ZFHX3: variants seen among roughly 807,000 people sequenced by gnomAD.
The protein encoded by ZFHX3 is zinc finger homeobox protein 3.
In ZFHX3, 42 loss-of-function variants were observed where a neutral mutation model predicts 279.1. The ratio of observed to expected loss-of-function variants is 0.15; its 90% CI spans 0.12 to 0.19. The LOEUF (loss-of-function observed/expected upper bound fraction) is 0.19. ZFHX3 is among the 10% of genes least tolerant of loss of function. The pLI is 1.00. For synonymous variants in ZFHX3, 2,293 were observed against 1,957.8 expected (o/e 1.17, Z -4.52); for missense variants, 4,981 against 4,754.0 (o/e 1.05, Z -1.40).
At chr16:73,863,752 T>C (rs1330157363) in intron 1 of ZFHX3, among the ~76,000 whole-genome samples, 1 of 152,220 alleles carries the variant, frequency 6.6e-6, no homozygotes, top group African/African-American at 2.4e-5. Context: ...TTGCAAAGCA[T>C]CTAGCGAAGT....
chr16:72,957,794 G>GGCTGCCGCC lies in ZFHX3; in HGVS notation c.2343_2351dup (p.Ala782_Ala784dup). On this transcript the variant is annotated inframe_insertion, in exon 2 of 10. Transcript: ENST00000268489. ...GGGCCCCGCAGGAGCTACTGATATT[G>GGCTGCCGCC]GCTGCCGCCGCCGCCGCAGCCACCG... The GGCTGCCGCC allele has an allele frequency of 6.2e-7, 1 of 1,610,812 alleles. No homozygotes were observed. The highest frequency in any genetic ancestry group is 8.5e-7 in the Non-Finnish European group (1 of 1,178,722).
chr16:73,170,478 C>T (rs1173090197), intron 5 of ZFHX3, among the ~76,000 whole-genome samples: 1 of 152,062 alleles, frequency 6.6e-6, no homozygotes, highest in East Asian at 1.9e-4. Flanking sequence ...GATCCGCCTG[C>T]CTCGGCCTCT....
intron 4 of ZFHX3, among the ~76,000 whole-genome samples, chr16:72,868,023 A>T (rs1478856799): frequency 6.6e-6 from 1 of 152,242 alleles, no homozygotes; most frequent in Non-Finnish European, 1.5e-5. Flanking sequence ...GGACAAAAGT[A>T]ATGTAAGACA....
At chr16:72,905,919 TG>T (rs1323763146) in intron 3 of ZFHX3, among the ~76,000 whole-genome samples, 1 of 152,210 alleles carries the variant, frequency 6.6e-6, no homozygotes, top group Non-Finnish European at 1.5e-5. Flanking sequence ...TGCTGCTGAC[TG>T]GATCCCCAAG....
chr16:73,536,459 A>G (rs1433440238), intron 2 of ZFHX3, among the ~76,000 whole-genome samples: 2 of 152,206 alleles, frequency 1.3e-5, no homozygotes, highest in African/African-American at 4.8e-5. Flanking sequence ...TTCTTGCTGC[A>G]ACAGTGTGCC....
At chr16:73,006,622 G>A (rs571249698) in intron 1 of ZFHX3, among the ~76,000 whole-genome samples, 19 of 148,290 alleles carry the variant, frequency 1.3e-4, no homozygotes, top group African/African-American at 4.5e-4. Context: ...AGAAAGAAAA[G>A]AAAGAAAAGA....
At chr16:73,323,999 C>T (rs142606939) in intron 3 of ZFHX3, among the ~76,000 whole-genome samples, 1 of 152,334 alleles carries the variant, frequency 6.6e-6, no homozygotes, top group Non-Finnish European at 1.5e-5. Flanking sequence ...CACCTCCTGG[C>T]AGAGGCCTTT....
chr16:73,824,141 G>A (rs1331936801), intron 1 of ZFHX3, among the ~76,000 whole-genome samples: 1 of 152,108 alleles, frequency 6.6e-6, no homozygotes, highest in African/African-American at 2.4e-5. Context: ...CCTACTGCAG[G>A]ACTTACCAGA....
In ZFHX3 at chr16:72,796,957, G is replaced by A. The variant is rs1028670724; in HGVS notation, c.5725C>T (p.Leu1909=). 6.2e-7 allele frequency: 1 copy of A among 1,613,914 alleles called. No individual in the cohort carries two copies. The highest frequency in any genetic ancestry group is 8.5e-7 in the Non-Finnish European group (1 of 1,180,020). Residue 1909 remains leucine (L), a synonymous_variant, in exon 9 of 10, where the codon CTG becomes TTG. Coordinates refer to ENST00000268489, the MANE Select transcript of ZFHX3 (RefSeq NM_006885.4). ...TCTTTGGCCTTCAAGGCATCTGGCAGTGTTTCCTTCGGACCGGTGTTGCCC... is the reference window on the plus strand; with the variant it reads ...TCTTTGGCCTTCAAGGCATCTGGCAATGTTTCCTTCGGACCGGTGTTGCCC... ...GEGNTGPKET[L]PDALKAKEKK...
intron 5 of ZFHX3, among the ~76,000 whole-genome samples, chr16:73,191,159 A>G (rs914416375): frequency 5.3e-5 from 8 of 152,098 alleles, no homozygotes; most frequent in Non-Finnish European, 8.8e-5. Context: ...TGGGCTTTCT[A>G]TGCAACCCCT....
chr16:72,875,793 TA>T (rs2038295072), intron 4 of ZFHX3, among the ~76,000 whole-genome samples: 2 of 152,178 alleles, frequency 1.3e-5, no homozygotes, highest in African/African-American at 2.4e-5. Context: ...AACATAATGG[TA>T]AAGATAATTT....
intron 7 of ZFHX3, among the ~76,000 whole-genome samples, chr16:73,109,225 C>T (rs542801248): frequency 2.9e-4 from 44 of 152,308 alleles, no homozygotes; most frequent in African/African-American, 9.9e-4. Context: ...TGAACGCATG[C>T]GTGTGCATAG....
At chr16:73,507,875 T>G (rs939245684) in intron 2 of ZFHX3, among the ~76,000 whole-genome samples, 1 of 152,114 alleles carries the variant, frequency 6.6e-6, no homozygotes, top group African/African-American at 2.4e-5. Context: ...GTCAATAAAA[T>G]GGAATCATTA....
chr16:73,470,996 T>A (rs1337043184), intron 2 of ZFHX3, among the ~76,000 whole-genome samples: 2 of 152,188 alleles, frequency 1.3e-5, no homozygotes, highest in Admixed American at 1.3e-4. Flanking sequence ...TACAGTGTGG[T>A]TTGAGATTGC....
At chr16:73,523,691 A>T (rs569052544) in intron 2 of ZFHX3, among the ~76,000 whole-genome samples, 67 of 151,226 alleles carry the variant, frequency 4.4e-4, no homozygotes, top group Non-Finnish European at 8.7e-4. Flanking sequence ...AAGGAGATGG[A>T]TAAAGTCTTT....
chr16:72,882,454 A>G (rs1168675432), intron 4 of ZFHX3, among the ~76,000 whole-genome samples: 1 of 152,196 alleles, frequency 6.6e-6, no homozygotes, highest in Non-Finnish European at 1.5e-5. Flanking sequence ...GATCTAGAAC[A>G]TCAAAGAATG....
intron 2 of ZFHX3, among the ~76,000 whole-genome samples, chr16:73,672,726 A>C (rs1333506294): frequency 2.8e-5 from 3 of 108,594 alleles, no homozygotes; most frequent in Non-Finnish European, 5.5e-5. Context: ...TAAAAGGATC[A>C]GAAGAAAGAG....
chr16:73,413,308 T>G (rs1439573411), intron 3 of ZFHX3, among the ~76,000 whole-genome samples: 1 of 152,024 alleles, frequency 6.6e-6, no homozygotes, highest in Non-Finnish European at 1.5e-5. Context: ...CAAAGGAAAC[T>G]TGGGAAACAG....
chr16:73,219,536 A>G (rs190680753), intron 5 of ZFHX3, among the ~76,000 whole-genome samples: 10 of 152,360 alleles, frequency 6.6e-5, no homozygotes, highest in Admixed American at 1.3e-4. Flanking sequence ...AGGCATGCCC[A>G]GTTGACAGTC....
Sources: allele counts gnomAD v4.1 joint callset (sites outside exome capture counted in the v4.1 genomes callset), GRCh38; gene constraint gnomAD v4.1.1; transcripts MANE v1.5; gene names NCBI Gene and HGNC (gene_info 2026-07-23, HGNC 2026-07-21).